Variants in ACTN2 observed in about 807,000 individuals in gnomAD.
ACTN2 encodes alpha-actinin-2.
ACTN2 carries 39 observed loss-of-function variants against 113.8 expected under a neutral mutation model. The observed-to-expected ratio is 0.34, with a 90% CI of 0.27 to 0.45. The LOEUF (loss-of-function observed/expected upper bound fraction) is 0.45. Among genes scored for constraint, ACTN2 ranks in the 20% least tolerant of loss-of-function variants. ACTN2 has a pLI of 1.00. For missense variants in ACTN2, 992 were observed against 1,177.9 expected (o/e 0.84, Z 2.31); for synonymous variants, 429 against 444.1 (o/e 0.97, Z 0.43).
chr1:236,724,109 G>C (rs1157444659), intron 4 of ACTN2, among the ~76,000 whole-genome samples: 1 of 151,314 alleles, frequency 6.6e-6, no homozygotes, highest in Non-Finnish European at 1.5e-5. Flanking sequence ...AAATCAGAGT[G>C]CCAGCATGGT....
chr1:236,698,687 A>T lies in ACTN2; in HGVS notation c.126+11888A>T, dbSNP rs189865491. Among the ~76,000 whole-genome samples, 277 of 152,382 alleles carry T rather than the reference A, an allele frequency of 1.8e-3. 1 individual carries two copies. The Middle Eastern group carries it at 0.02, about 11-fold the overall frequency. ...TTTCAGTCTAACACTAAAGCCAAAA[A>T]ATATTCCGATCAGACAGTAAAAGTG... On this transcript the variant is annotated intron_variant, in intron 1 of 20. Coordinates refer to ENST00000366578, the MANE Select transcript of ACTN2 (RefSeq NM_001103.4).
At chr1:236,704,225 ACT>A (rs1463481400) in intron 1 of ACTN2, among the ~76,000 whole-genome samples, 1 of 151,926 alleles carries the variant, frequency 6.6e-6, no homozygotes, top group Non-Finnish European at 1.5e-5. Context: ...TGTATTAATC[ACT>A]CTCTGTCTTC....
intron 1 of ACTN2, among the ~76,000 whole-genome samples, chr1:236,717,191 C>T (rs1332876565): frequency 6.6e-6 from 1 of 151,900 alleles, no homozygotes; most frequent in Admixed American, 6.6e-5. Context: ...TGCCTGTAAT[C>T]CCAGCACTTT....
intron 1 of ACTN2, among the ~76,000 whole-genome samples, chr1:236,707,293 T>C (rs1572102197): frequency 2.0e-5 from 3 of 152,218 alleles, no homozygotes; most frequent in Admixed American, 1.3e-4. Flanking sequence ...ATTGGCAGGG[T>C]TCTGGATTCT....
intron 3 of ACTN2, 26 bp from the exon 4 acceptor site, chr1:236,720,079 T>C (rs750272963): frequency 6.7e-7 from 1 of 1,485,158 alleles, no homozygotes; most frequent in Non-Finnish European, 9.4e-7. Context: ...TATCTTTACA[T>C]TAATTTGTTG....
Position 236,686,580 on chromosome 1 carries a change from G to C in ACTN2, c.-94G>C. 1.5e-6 allele frequency: 2 copies of C among 1,348,876 alleles called. No homozygotes were observed. Among genetic ancestry groups the C allele is most frequent in the Admixed American group, 3.9e-5 (1 of 25,330 alleles). 83.6% of individuals were successfully genotyped at this position (1,348,876 alleles called of 1,614,324 possible). On this transcript the variant is annotated 5_prime_UTR_variant, in exon 1 of 21. Coordinates refer to ENST00000366578, the MANE Select transcript of ACTN2 (RefSeq NM_001103.4). ...GCGCGAAGGTCACCCCGCGCCCGCC[G>C]CCCGCCGCCCGCCGCCTCCGTGGGT... is the stretch of plus-strand genomic sequence containing the variant.
At chr1:236,709,259 C>CATATATAT (rs1431392723) in intron 1 of ACTN2, among the ~76,000 whole-genome samples, 57 of 110,370 alleles carry the variant, frequency 5.2e-4, no homozygotes, top group African/African-American at 2.1e-3. Context: ...TATATATACA[C>CATATATAT]ACACACACAC....
At chr1:236,755,953 G>A (rs367745486) in intron 17 of ACTN2, among the ~76,000 whole-genome samples, 4 of 28,736 alleles carry the variant, frequency 1.4e-4, no homozygotes, top group African/African-American at 5.0e-4. Context: ...CGCTGCCACC[G>A]TTAGAACCCT....
chr1:236,739,056 G>A (rs1306760918), intron 9 of ACTN2, among the ~76,000 whole-genome samples: 1 of 151,922 alleles, frequency 6.6e-6, no homozygotes, highest in African/African-American at 2.4e-5. Context: ...TCACATTTTT[G>A]TAAGACACGA....
At chr1:236,723,817 C>T (rs2102901648) in intron 4 of ACTN2, among the ~76,000 whole-genome samples, 1 of 152,254 alleles carries the variant, frequency 6.6e-6, no homozygotes, top group East Asian at 1.9e-4. Flanking sequence ...AAATCAACTT[C>T]AACCCCTTCC....
chr1:236,748,031 T>C, intron 13 of ACTN2: 1 of 446,498 alleles, frequency 2.2e-6, no homozygotes, highest in Non-Finnish European at 4.1e-6. Flanking sequence ...ACGGCATAAA[T>C]CTACTTTGTA....
intron 1 of ACTN2, among the ~76,000 whole-genome samples, chr1:236,704,430 G>A (rs1348010195): frequency 6.6e-6 from 1 of 152,162 alleles, no homozygotes; most frequent in Non-Finnish European, 1.5e-5. Context: ...TCCGTTTGGT[G>A]ATAGCACCGG....
intron 1 of ACTN2, among the ~76,000 whole-genome samples, chr1:236,707,707 T>C (rs939996226): frequency 9.1e-6 from 1 of 110,010 alleles, no homozygotes; most frequent in African/African-American, 3.4e-5. Flanking sequence ...TTTCTTTTTT[T>C]TCTTTTTTTT....
chr1:236,749,969 A>G (rs572829463), intron 14 of ACTN2, among the ~76,000 whole-genome samples: 2 of 152,354 alleles, frequency 1.3e-5, no homozygotes, highest in South Asian at 4.1e-4. Flanking sequence ...TTAGATCTAC[A>G]GAGTTTTTTG....
intron 1 of ACTN2, among the ~76,000 whole-genome samples, chr1:236,696,922 A>G (rs1657522846): frequency 6.6e-6 from 1 of 152,130 alleles, no homozygotes; most frequent in South Asian, 2.1e-4. Flanking sequence ...TTGGCCTCCC[A>G]AAGTGCTGGG....
chr1:236,734,334 G>A (rs998040511), intron 7 of ACTN2: 3 of 796,234 alleles, frequency 3.8e-6, no homozygotes, highest in African/African-American at 1.7e-5. Flanking sequence ...TGGGGGCGAA[G>A]GGGGAGGATT....
At chr1:236,730,609 A>G (rs1222649614) in intron 6 of ACTN2, among the ~76,000 whole-genome samples, 3 of 152,074 alleles carry the variant, frequency 2.0e-5, no homozygotes, top group African/African-American at 7.2e-5. Context: ...CCTCTGGTTA[A>G]GTTTATTTTG....
rs767694483 is a variant in ACTN2 at position 236,720,088 on chromosome 1, TG to T, written c.362-16del. On this transcript the variant is annotated splice_polypyrimidine_tract_variant and intron_variant, in intron 3 of 20. Transcript: ENST00000366578. ...CTATGTTATCTTTACATTAATTTGT[TG>T]TTTTCTTACCTGCAGAAATTGTTGA... 1 of 1,550,598 alleles carries T rather than the reference TG, an allele frequency of 6.4e-7. No homozygotes were observed. Among genetic ancestry groups the T allele is most frequent in the East Asian group, 2.2e-5 (1 of 44,534 alleles).
chr1:236,741,999 C>T (rs544100481), intron 10 of ACTN2, among the ~76,000 whole-genome samples: 1 of 152,280 alleles, frequency 6.6e-6, no homozygotes, highest in East Asian at 1.9e-4. Flanking sequence ...ACAGCACATC[C>T]CCTCTTGGGC....
Sources: gnomAD v4.1 joint callset for allele counts (sites outside exome capture counted in the v4.1 genomes callset) on GRCh38, gnomAD v4.1.1 for gene constraint, MANE v1.5 for transcripts, NCBI Gene and HGNC (gene_info 2026-07-23, HGNC 2026-07-21) for gene names.